PTPRA: variants seen among roughly 807,000 people sequenced by gnomAD.
PTPRA encodes protein tyrosine phosphatase receptor type A.
Under a neutral mutation model 104.8 loss-of-function variants are expected in PTPRA, and 25 were observed. That is an observed-to-expected ratio of 0.24 (90% CI 0.17 to 0.33). The LOEUF (loss-of-function observed/expected upper bound fraction) is 0.33. PTPRA is among the 10% of genes least tolerant of loss of function. The pLI, the probability that PTPRA is intolerant of heterozygous loss-of-function variation, is 1.00. For synonymous variants in PTPRA, 323 were observed against 368.9 expected, an observed-to-expected ratio of 0.88 and a Z score of 1.43; for missense variants, 765 against 1,015.3, an observed-to-expected ratio of 0.75 and a Z score of 3.35.
At chr20:2,904,450 C>T (rs551688156) in intron 1 of PTPRA, among the ~76,000 whole-genome samples, 5 of 151,946 alleles carry the variant, frequency 3.3e-5, no homozygotes, top group African/African-American at 4.8e-5. Flanking sequence ...GTGGGCGGAT[C>T]GTGAGGTCAG....
chr20:2,996,410 C>A (rs535012327), intron 9 of PTPRA, among the ~76,000 whole-genome samples: 1 of 152,274 alleles, frequency 6.6e-6, no homozygotes, highest in East Asian at 1.9e-4. Flanking sequence ...GCAAACAAAC[C>A]AATTTGTGTC....
At chr20:3,027,040 A>C in intron 18 of PTPRA, 81 bp from the exon 19 acceptor site, 1 of 1,390,436 alleles carries the variant, frequency 7.2e-7, no homozygotes, top group Non-Finnish European at 1.0e-6. Context: ...CTGTCTGCCC[A>C]GGGCCTGAGG....
chr20:2,910,189 T>C (rs182264468), intron 1 of PTPRA, among the ~76,000 whole-genome samples: 4,107 of 102,404 alleles, frequency 0.04, 195 homozygotes, highest in Admixed American at 0.12. Flanking sequence ...GTATATATGA[T>C]ATATGATATA....
In PTPRA at chr20:2,884,120, C is replaced by T. The variant is rs150653077; in HGVS notation, c.-129+10360C>T. Among the ~76,000 whole-genome samples, 87 of 152,210 alleles carry T rather than the reference C, an allele frequency of 5.7e-4. No homozygotes were observed. The East Asian group carries it at 0.014, about 24-fold the overall frequency. On this transcript the variant is annotated intron_variant, in intron 1 of 23. Transcript: ENST00000399903. ...AATAATCCATTATATTGATATACGA[C>T]ATTTGGCTAACTGGTTCATCAATTG...
chr20:2,992,876 T>G (rs936776495), intron 9 of PTPRA, among the ~76,000 whole-genome samples: 3 of 152,134 alleles, frequency 2.0e-5, no homozygotes, highest in Non-Finnish European at 2.9e-5. Context: ...CAGATTGCTT[T>G]GAGTCCAGGA....
chr20:2,958,896 G>A (rs1190006023), intron 3 of PTPRA, among the ~76,000 whole-genome samples: 2 of 150,658 alleles, frequency 1.3e-5, no homozygotes, highest in Non-Finnish European at 1.5e-5. Flanking sequence ...GGCTCCAGGA[G>A]AAATGCTTTG....
chr20:3,034,272 A>G (rs2065686816), intron 20 of PTPRA, among the ~76,000 whole-genome samples: 1 of 151,520 alleles, frequency 6.6e-6, no homozygotes, highest in South Asian at 2.1e-4. Flanking sequence ...CTCTCTCAAA[A>G]AAGAAAAAAA....
chr20:2,927,428 C>G (rs2060341849), intron 2 of PTPRA, among the ~76,000 whole-genome samples: 1 of 152,152 alleles, frequency 6.6e-6, no homozygotes, highest in Non-Finnish European at 1.5e-5. Context: ...AAAATTTTCT[C>G]CCTGGAGTTT....
At chr20:2,869,791 C>T (rs1210979450), upstream of PTPRA, among the ~76,000 whole-genome samples, 1 of 151,832 alleles carries the variant, frequency 6.6e-6, no homozygotes, top group East Asian at 1.9e-4. Context: ...CATGGTGAAA[C>T]CCTGTCTCTA....
intron 1 of PTPRA, among the ~76,000 whole-genome samples, chr20:2,908,113 T>C (rs902332356): frequency 3.9e-5 from 6 of 152,278 alleles, no homozygotes; most frequent in South Asian, 4.1e-4. Context: ...TTCCCTCCTT[T>C]ACAAACTTTC....
chr20:2,869,524 C>T (rs1239998267), upstream of PTPRA, among the ~76,000 whole-genome samples: 1 of 152,206 alleles, frequency 6.6e-6, no homozygotes, highest in Admixed American at 6.5e-5. Context: ...GCAGTTTGTA[C>T]AGCAGGCCTA....
intron 14 of PTPRA, 26 bp downstream of exon 14, chr20:3,021,454 G>T: frequency 6.2e-7 from 1 of 1,612,930 alleles, no homozygotes; most frequent in Non-Finnish European, 8.5e-7. Flanking sequence ...TCCTTTCTCA[G>T]TTCTTATGTT....
intron 1 of PTPRA, among the ~76,000 whole-genome samples, chr20:2,889,354 A>G (rs1195657262): frequency 1.3e-5 from 2 of 152,318 alleles, no homozygotes; most frequent in South Asian, 2.1e-4. Flanking sequence ...TTTAAAATAC[A>G]TTTACACAGT....
the PTPRA span, chr20:2,865,471 C>G: frequency 1.9e-6 from 3 of 1,614,076 alleles, no homozygotes; most frequent in East Asian, 2.2e-5. This position sits in a 1 kb window ranked among gnomAD's most constrained non-coding sequence, Gnocchi z 5.2. Flanking sequence ...TTTCCAAGAG[C>G]AAGAAATCAC....
At chr20:2,935,599 G>T (rs1328825277) in intron 2 of PTPRA, among the ~76,000 whole-genome samples, 1 of 152,100 alleles carries the variant, frequency 6.6e-6, no homozygotes, top group East Asian at 1.9e-4. Context: ...TAGAGACAGG[G>T]TCTCGCTGTG....
chr20:2,984,143 A>G (rs1455673982), intron 6 of PTPRA, among the ~76,000 whole-genome samples: 6 of 152,136 alleles, frequency 3.9e-5, no homozygotes, highest in Non-Finnish European at 8.8e-5. Flanking sequence ...CACATACCAC[A>G]GTATGTTTGA....
chr20:2,868,606 C>T (rs898754352), upstream of PTPRA, among the ~76,000 whole-genome samples: 5 of 125,646 alleles, frequency 4.0e-5, no homozygotes, highest in Non-Finnish European at 8.1e-5. Flanking sequence ...ATGCTGGGCT[C>T]ATCATTCTGG....
At chr20:2,930,025 A>G (rs150505768) in intron 2 of PTPRA, among the ~76,000 whole-genome samples, 1 of 152,270 alleles carries the variant, frequency 6.6e-6, no homozygotes, top group African/African-American at 2.4e-5. Flanking sequence ...CTCATAGGAA[A>G]CCAAACTTGC....
chr20:3,019,338 G>A (rs1600263913), intron 13 of PTPRA, among the ~76,000 whole-genome samples: 2 of 149,742 alleles, frequency 1.3e-5, no homozygotes, highest in East Asian at 2.0e-4. Context: ...CTGGGCGGAG[G>A]GGCTCCTCAC....
Sources: allele counts gnomAD v4.1 joint callset (sites outside exome capture counted in the v4.1 genomes callset), GRCh38; gene constraint gnomAD v4.1.1; non-coding constraint Gnocchi (gnomAD v3.1); transcripts MANE v1.5; gene names NCBI Gene and HGNC (gene_info 2026-07-23, HGNC 2026-07-21).